Variants in SYN3 observed in about 807,000 individuals in gnomAD.
SYN3 encodes synapsin III.
A neutral mutation model predicts 65.8 loss-of-function variants in SYN3; 35 were observed. That is an observed-to-expected ratio of 0.53 (90% CI 0.41 to 0.70). The LOEUF (loss-of-function observed/expected upper bound fraction) is 0.70. SYN3 is among the 30% of genes least tolerant of loss of function. The pLI is 0.00. For missense variants in SYN3, 680 were observed against 749.0 expected (o/e 0.91, Z 1.08); for synonymous variants, 270 against 292.9 (o/e 0.92, Z 0.80).
intron 6 of SYN3, among the ~76,000 whole-genome samples, chr22:32,854,405 ATT>A (rs2048307130): frequency 6.6e-6 from 1 of 152,178 alleles, no homozygotes; most frequent in South Asian, 2.1e-4. Flanking sequence ...CAGGGGCTTC[ATT>A]CTCTCACCCA....
intron 3 of SYN3, among the ~76,000 whole-genome samples, chr22:32,939,904 A>G (rs2050887618): frequency 6.6e-6 from 1 of 152,194 alleles, no homozygotes; most frequent in Non-Finnish European, 1.5e-5. Flanking sequence ...GAGGATAGGC[A>G]TACAGGATTT....
At chr22:32,616,508 C>T (rs577070122) in intron 6 of SYN3, among the ~76,000 whole-genome samples, 2 of 152,240 alleles carry the variant, frequency 1.3e-5, no homozygotes, top group Admixed American at 6.5e-5. Flanking sequence ...TGAATCCACA[C>T]GAGAGGCCTG....
At chr22:32,971,098 A>C (rs1453577820) in intron 3 of SYN3, among the ~76,000 whole-genome samples, 1 of 152,208 alleles carries the variant, frequency 6.6e-6, no homozygotes, top group Non-Finnish European at 1.5e-5. Flanking sequence ...GCAAATAGTA[A>C]ATGTTCAATA....
At chr22:32,627,924 G>A (rs554959632) in intron 6 of SYN3, among the ~76,000 whole-genome samples, 2 of 152,170 alleles carry the variant, frequency 1.3e-5, no homozygotes, top group African/African-American at 4.8e-5. Context: ...CGCCTCCCGG[G>A]TTCAAGTGAT....
rs56343315 is a variant in SYN3 at position 33,015,242 on chromosome 22, A to AAAAT, written c.-162-8419_-162-8418insATTT. The AAAAT allele has an allele frequency of 1.0e-2, 2,157 of 215,928 alleles. 157 individuals carry two copies. Among genetic ancestry groups the AAAAT allele is most frequent in the South Asian group, 0.014 (243 of 17,824 alleles). 13.4% of individuals were successfully genotyped at this position (215,928 alleles called of 1,614,324 possible). A position where few individuals can be genotyped will look rare whatever the true frequency, so the allele number is the denominator to read the frequency against. Reference sequence around the variant, plus strand: ...TCTCAAAAAAAAAAAAAAAAAAAAAACTACTGTATCTTGGACGAGACTATC... The same window carrying AAAAT: ...TCTCAAAAAAAAAAAAAAAAAAAAAAAAATCTACTGTATCTTGGACGAGACTATC... On this transcript the variant is annotated intron_variant, in intron 1 of 13. Transcript: ENST00000358763.
intron 7 of SYN3, among the ~76,000 whole-genome samples, chr22:32,591,860 C>T (rs190614994): frequency 3.1e-4 from 47 of 152,312 alleles, no homozygotes; most frequent in Admixed American, 2.6e-3. Flanking sequence ...CACCCAGCTC[C>T]ATTCTGCCCA....
At chr22:32,812,095 G>T (rs561722709) in intron 6 of SYN3, among the ~76,000 whole-genome samples, 1 of 152,144 alleles carries the variant, frequency 6.6e-6, no homozygotes, top group Non-Finnish European at 1.5e-5. Context: ...GACCTCCCTG[G>T]GTTTGGTCTC....
chr22:32,518,138 G>A lies in SYN3; in HGVS notation c.1515C>T (p.Thr505=). The change falls in exon 13 of 14, where the codon ACC becomes ACT. Residue 505 remains threonine, a synonymous_variant. Transcript: ENST00000358763. ...SPNQASKPGA[T]LASQPRPPVQ... ...CAGGGGGCCGGGGCTGTGAGGCGAG[G>A]GTGGCACCTGGCTTGGAGGCCTGGT... The A allele has an allele frequency of 6.2e-7, 1 of 1,609,314 alleles. No individual in the cohort carries two copies. The highest frequency in any genetic ancestry group is 8.5e-7 in the Non-Finnish European group (1 of 1,177,720).
At chr22:32,671,833 A>G (rs944430230) in intron 6 of SYN3, among the ~76,000 whole-genome samples, 8 of 151,514 alleles carry the variant, frequency 5.3e-5, no homozygotes, top group Admixed American at 2.0e-4. Context: ...GTGCACACAC[A>G]TGCTCTCACA....
chr22:32,900,138 A>C (rs1601652129), intron 4 of SYN3, among the ~76,000 whole-genome samples: 1 of 152,144 alleles, frequency 6.6e-6, no homozygotes, highest in Non-Finnish European at 1.5e-5. Flanking sequence ...TATTAGCTAA[A>C]ATATTCTGAG....
chr22:32,678,316 G>C (rs1473862739), intron 6 of SYN3, among the ~76,000 whole-genome samples: 1 of 152,122 alleles, frequency 6.6e-6, no homozygotes, highest in Non-Finnish European at 1.5e-5. Context: ...ACTCACTGTG[G>C]GCTCTCAGAT....
intron 4 of SYN3, among the ~76,000 whole-genome samples, chr22:32,909,233 A>G (rs1371433776): frequency 2.0e-5 from 3 of 152,208 alleles, no homozygotes; most frequent in East Asian, 1.9e-4. Context: ...GGCTGTGGAC[A>G]TAACTCCACT....
intron 4 of SYN3, among the ~76,000 whole-genome samples, chr22:32,924,201 T>C (rs928595970): frequency 2.6e-5 from 4 of 152,174 alleles, no homozygotes; most frequent in African/African-American, 9.7e-5. Context: ...GGGTATATAC[T>C]CGGTAATGGG....
intron 3 of SYN3, among the ~76,000 whole-genome samples, chr22:32,959,740 G>A (rs942648172): frequency 1.8e-4 from 27 of 152,046 alleles, no homozygotes; most frequent in South Asian, 4.2e-4. Flanking sequence ...GACTACAGGC[G>A]TGTGCCACAA....
intron 7 of SYN3, among the ~76,000 whole-genome samples, chr22:32,567,780 A>T (rs890127590): frequency 1.6e-4 from 24 of 152,062 alleles, no homozygotes; most frequent in Non-Finnish European, 3.1e-4. Context: ...GGAAGTGGGA[A>T]GATTGTCTGG....
intron 6 of SYN3, among the ~76,000 whole-genome samples, chr22:32,777,386 C>CA (rs1555957076): frequency 1.4e-5 from 1 of 73,498 alleles, no homozygotes; most frequent in Non-Finnish European, 2.6e-5. Flanking sequence ...CCTGCTCCTT[C>CA]TTTTTTTTTA....
At chr22:32,554,336 C>T (rs1377111229) in intron 7 of SYN3, among the ~76,000 whole-genome samples, 1 of 152,170 alleles carries the variant, frequency 6.6e-6, no homozygotes. Flanking sequence ...CCACTCCTCC[C>T]TGTCCGCTCT....
intron 3 of SYN3, among the ~76,000 whole-genome samples, chr22:32,968,109 T>C (rs1167629320): frequency 1.3e-5 from 2 of 152,146 alleles, no homozygotes; most frequent in Non-Finnish European, 2.9e-5. Flanking sequence ...TTTCAAGAAA[T>C]GCCAGCTGAA....
At chr22:32,920,145 A>G (rs1232906457) in intron 4 of SYN3, among the ~76,000 whole-genome samples, 1 of 152,224 alleles carries the variant, frequency 6.6e-6, no homozygotes, top group African/African-American at 2.4e-5. Flanking sequence ...GATGCACATT[A>G]TCAGCCGCTG....
Sources: allele counts gnomAD v4.1 joint callset (sites outside exome capture counted in the v4.1 genomes callset), GRCh38; gene constraint gnomAD v4.1.1; transcripts MANE v1.5; gene names NCBI Gene and HGNC (gene_info 2026-07-23, HGNC 2026-07-21).